CTNNA2: variants seen among roughly 807,000 people sequenced by gnomAD.
CTNNA2 encodes the protein catenin alpha-2.
In CTNNA2, 42 loss-of-function variants were observed where a neutral mutation model predicts 101.0. The ratio of observed to expected loss-of-function variants is 0.42; its 90% CI spans 0.32 to 0.54. The LOEUF (loss-of-function observed/expected upper bound fraction) is 0.54. Among genes scored for constraint, CTNNA2 ranks in the 20% least tolerant of loss-of-function variants. CTNNA2 has a pLI of 0.14. For synonymous variants in CTNNA2, 450 were observed against 456.4 expected (o/e 0.99, Z 0.18); for missense variants, 871 against 1,223.1 (o/e 0.71, Z 4.29).
chr2:79,538,229 A>G (rs563127398), intron 1 of CTNNA2, among the ~76,000 whole-genome samples: 37 of 120,128 alleles, frequency 3.1e-4, no homozygotes, highest in African/African-American at 1.3e-3. Context: ...CATTAGTAAT[A>G]AAGATGATTA....
intron 2 of CTNNA2, among the ~76,000 whole-genome samples, chr2:79,685,729 AG>A (rs1683887703): frequency 6.6e-6 from 1 of 152,200 alleles, no homozygotes; most frequent in African/African-American, 2.4e-5. Flanking sequence ...ACCACAAAGA[AG>A]AAAGGAAGAC....
chr2:79,932,956 G>A (rs1187078829), intron 7 of CTNNA2, among the ~76,000 whole-genome samples: 1 of 152,102 alleles, frequency 6.6e-6, no homozygotes. Context: ...TGAAGTGTGT[G>A]TTTCACCAGT....
In CTNNA2 at chr2:80,528,475, C is replaced by T. The variant is rs149752934; in HGVS notation, c.1291-16507C>T. Among the ~76,000 whole-genome samples, 97 of 152,176 alleles carry T rather than the reference C, an allele frequency of 6.4e-4. No individual in the cohort carries two copies. The East Asian group carries it at 0.017, about 27-fold the overall frequency. On this transcript the variant is annotated intron_variant, in intron 9 of 18. Coordinates refer to ENST00000402739, the MANE Select transcript of CTNNA2 (RefSeq NM_001282597.3). ...CCTCCCAAAGTGCTGGGATTACAGG[C>T]GTGAGCCACCGTGCCCAGCCCTTAG...
At chr2:80,191,533 A>G (rs982044659) in intron 7 of CTNNA2, among the ~76,000 whole-genome samples, 7 of 152,026 alleles carry the variant, frequency 4.6e-5, no homozygotes, top group African/African-American at 1.7e-4. Context: ...TCCCTTCTTC[A>G]CCTTTTTCTT....
rs145292792 is a variant in CTNNA2 at position 79,784,378 on chromosome 2, T to G, written c.298+39796T>G. Among the ~76,000 whole-genome samples, 122 of 151,644 alleles carry G rather than the reference T, an allele frequency of 8.0e-4. 1 individual carries two copies. The highest frequency in any genetic ancestry group is 1.6e-3 in the Non-Finnish European group (109 of 67,918). On this transcript the variant is annotated intron_variant, in intron 3 of 18. Coordinates refer to ENST00000402739, the MANE Select transcript of CTNNA2 (RefSeq NM_001282597.3). ...TTGTAACACTCAGCCTGCAGGTAAT[T>G]TAACTCATGATTTTATGTAGCAGCT... is the stretch of plus-strand genomic sequence containing the variant.
At chr2:80,602,261 T>G (rs551866841) in intron 15 of CTNNA2, among the ~76,000 whole-genome samples, 37 of 152,186 alleles carry the variant, frequency 2.4e-4, no homozygotes, top group Admixed American at 9.2e-4. Context: ...AAGACATGCT[T>G]CTTTTCATTC....
chr2:79,661,024 T>C (rs1192224694), intron 2 of CTNNA2, among the ~76,000 whole-genome samples: 2 of 152,208 alleles, frequency 1.3e-5, no homozygotes, highest in African/African-American at 4.8e-5. Context: ...TCACTGTGTA[T>C]GATGTAAATG....
chr2:79,993,615 A>T (rs1408312056), intron 7 of CTNNA2, among the ~76,000 whole-genome samples: 1 of 152,166 alleles, frequency 6.6e-6, no homozygotes, highest in Non-Finnish European at 1.5e-5. Context: ...TAGGGGAGGG[A>T]TGCTTGAGCA....
chr2:80,405,603 A>G (rs1678981108), intron 8 of CTNNA2, among the ~76,000 whole-genome samples: 1 of 152,188 alleles, frequency 6.6e-6, no homozygotes, highest in African/African-American at 2.4e-5. Flanking sequence ...CAGAAACTGA[A>G]CTGTGAATGG....
intron 18 of CTNNA2, among the ~76,000 whole-genome samples, chr2:80,636,087 C>T (rs1421494354): frequency 1.4e-5 from 2 of 146,190 alleles, no homozygotes; most frequent in Non-Finnish European, 3.0e-5. Context: ...AAGGTCTTTT[C>T]ATATAACCTG....
intron 4 of CTNNA2, among the ~76,000 whole-genome samples, chr2:79,449,155 A>G (rs561827075): frequency 6.6e-6 from 1 of 152,144 alleles, no homozygotes; most frequent in African/African-American, 2.4e-5. Flanking sequence ...AGGTTATAAA[A>G]ATCTTTACAG....
chr2:80,424,593 C>T (rs982311380), intron 9 of CTNNA2, among the ~76,000 whole-genome samples: 1 of 152,180 alleles, frequency 6.6e-6, no homozygotes, highest in Non-Finnish European at 1.5e-5. Context: ...CATTTCATTA[C>T]AATCAAAGAT....
intron 18 of CTNNA2, among the ~76,000 whole-genome samples, chr2:80,644,102 G>A (rs1031408167): frequency 6.6e-6 from 1 of 152,126 alleles, no homozygotes; most frequent in Admixed American, 6.6e-5. Flanking sequence ...ATTGCTCCAT[G>A]GTGGGGTTCA....
intron 4 of CTNNA2, among the ~76,000 whole-genome samples, chr2:79,448,114 C>T (rs1260989591): frequency 2.0e-5 from 3 of 151,932 alleles, no homozygotes; most frequent in East Asian, 3.9e-4. Context: ...AGATATATAA[C>T]ACATAAATCT....
intron 3 of CTNNA2, among the ~76,000 whole-genome samples, chr2:79,745,255 A>C (rs1573856182): frequency 6.6e-6 from 1 of 152,088 alleles, no homozygotes; most frequent in East Asian, 1.9e-4. Flanking sequence ...ACACGGTGAA[A>C]CCCTGTCTCT....
intron 4 of CTNNA2, among the ~76,000 whole-genome samples, chr2:79,390,872 A>G (rs1678164283): frequency 6.6e-6 from 1 of 152,190 alleles, no homozygotes; most frequent in Non-Finnish European, 1.5e-5. Flanking sequence ...CTGGTGCTCA[A>G]CCACTCTGCT....
intron 3 of CTNNA2, among the ~76,000 whole-genome samples, chr2:79,354,772 T>C (rs1677468759): frequency 1.3e-5 from 2 of 152,178 alleles, no homozygotes; most frequent in Non-Finnish European, 2.9e-5. Flanking sequence ...CACTCACTAC[T>C]TCCTTAGGAG....
At chr2:80,008,299 C>A (rs1052518175) in intron 7 of CTNNA2, among the ~76,000 whole-genome samples, 1 of 152,186 alleles carries the variant, frequency 6.6e-6, no homozygotes, top group African/African-American at 2.4e-5. Context: ...GCAGTCACCC[C>A]ACTGTGCTCT....
intron 2 of CTNNA2, among the ~76,000 whole-genome samples, chr2:79,226,030 A>C (rs563081635): frequency 6.6e-6 from 1 of 152,286 alleles, no homozygotes; most frequent in South Asian, 2.1e-4. Context: ...GTGAGAAATC[A>C]ACTGAGTGCC....
Sources: allele counts gnomAD v4.1 joint callset (sites outside exome capture counted in the v4.1 genomes callset), GRCh38; gene constraint gnomAD v4.1.1; transcripts MANE v1.5; gene names NCBI Gene and HGNC (gene_info 2026-07-23, HGNC 2026-07-21).